The following SNED1 variants were observed in gnomAD, a reference collection of about 807,000 sequenced individuals.
The protein encoded by SNED1 is sushi, nidogen and EGF-like domain-containing protein 1.
SNED1 carries 81 observed loss-of-function variants against 166.7 expected under a neutral mutation model. That is an observed-to-expected ratio of 0.49 (90% CI 0.41 to 0.58). The LOEUF (loss-of-function observed/expected upper bound fraction) is 0.58, where lower values mean the gene tolerates loss of function less well. SNED1 is among the 20% of genes least tolerant of loss of function. The probability of loss-of-function intolerance (pLI) is 0.00; values close to 1 mark genes in which losing one functional copy is unlikely to be tolerated. For missense variants in SNED1, 1,604 were observed against 2,000.2 expected, an observed-to-expected ratio of 0.80 and a Z score of 3.78; for synonymous variants, 762 against 822.0, an observed-to-expected ratio of 0.93 and a Z score of 1.25.
chr2:241,088,507 C>T, intron 31 of SNED1, 105 bp downstream of exon 31: 1 of 939,256 alleles, frequency 1.1e-6, no homozygotes. Flanking sequence ...TTACTCAGCA[C>T]TGCTAAAGGA....
intron 24 of SNED1, among the ~76,000 whole-genome samples, chr2:241,071,210 GGAGAA>G (rs1420565659): frequency 6.6e-6 from 1 of 152,194 alleles, no homozygotes; most frequent in East Asian, 1.9e-4. Flanking sequence ...AGGCCACTGG[GGAGAA>G]GCACTGTGTC....
At chr2:241,015,403 G>A (rs939848916) in intron 1 of SNED1, among the ~76,000 whole-genome samples, 4 of 152,048 alleles carry the variant, frequency 2.6e-5, no homozygotes, top group African/African-American at 9.7e-5. Context: ...TCATTTTCTG[G>A]TTATTGCTGG....
At chr2:241,077,411 T>C (rs1047060374) in intron 27 of SNED1, among the ~76,000 whole-genome samples, 8 of 152,100 alleles carry the variant, frequency 5.3e-5, no homozygotes, top group African/African-American at 1.9e-4. Context: ...CAAAAATCTA[T>C]ATATAAACTA....
intron 21 of SNED1, 47 bp downstream of exon 21, chr2:241,065,642 G>T: frequency 1.3e-6 from 2 of 1,554,582 alleles, no homozygotes; most frequent in South Asian, 2.3e-5. Flanking sequence ...CCTGCCCCTC[G>T]AGGGCAGCGC....
chr2:241,072,964 A>G, intron 26 of SNED1: 1 of 429,558 alleles, frequency 2.3e-6, no homozygotes, highest in Middle Eastern at 6.0e-4. Context: ...GAAGAAAGCA[A>G]CCGCATCAGC....
Position 241,091,770 on chromosome 2 carries a change from T to G in SNED1, c.*134T>G, listed in dbSNP as rs1006454747. ...GCTGGAGTCAGTCCCCTCTGTGACC[T>G]CTCTCCTCAGGCCTCTAGAGGACAG... On this transcript the variant is annotated 3_prime_UTR_variant, in exon 32 of 32. Transcript: ENST00000310397. The surrounding 1 kb of genome is among the most constrained non-coding windows in gnomAD (Gnocchi z 4.1). The G allele has an allele frequency of 6.6e-6, 1 of 152,332 alleles. No individual in the cohort carries two copies. The highest frequency in any genetic ancestry group is 1.5e-5 in the Non-Finnish European group (1 of 68,146). The allele number at this position is 152,332 out of a possible 1,614,324, so 9.4% of individuals were successfully genotyped here.
chr2:241,030,261 C>G, intron 1 of SNED1, 23 bp from the exon 2 acceptor site: 1 of 1,540,890 alleles, frequency 6.5e-7, no homozygotes, highest in Non-Finnish European at 8.8e-7. Context: ...AGTCAATCCC[C>G]GCTCTGGCTT....
Position 241,064,723 on chromosome 2 carries a change from TGTGCCC to T in SNED1, c.2600-120_2600-115del. The T allele has an allele frequency of 3.0e-6, 2 of 669,684 alleles. No homozygotes were observed. Among genetic ancestry groups the T allele is most frequent in the Admixed American group, 6.9e-5 (2 of 28,866 alleles). 41.5% of individuals were successfully genotyped at this position (669,684 alleles called of 1,614,324 possible). On this transcript the variant is annotated intron_variant, in intron 19 of 31. Coordinates refer to ENST00000310397, the MANE Select transcript of SNED1 (RefSeq NM_001080437.3). This position sits in a 1 kb window ranked among gnomAD's most constrained non-coding sequence, Gnocchi z 7.0. ...AACCGAAGGGAGGCAGTAGCTGTCC[TGTGCCC>T]CCCGCCCCTCCACACCCACGCAGGA... is the stretch of plus-strand genomic sequence containing the variant.
intron 1 of SNED1, among the ~76,000 whole-genome samples, chr2:241,008,400 C>G (rs904308792): frequency 6.6e-6 from 1 of 152,244 alleles, no homozygotes; most frequent in Non-Finnish European, 1.5e-5. Flanking sequence ...AAGCTGCCCC[C>G]ACAGGGTCCC....
At chr2:241,065,023 C>T in intron 20 of SNED1, 66 bp downstream of exon 20, 12 of 1,261,956 alleles carry the variant, frequency 9.5e-6, no homozygotes, top group Non-Finnish European at 1.3e-5. Flanking sequence ...GAGGGCCCAA[C>T]GGTCTCCAAG....
rs2061869904 is a variant in SNED1, at chr2:241,052,371, C to G, written c.1986C>G (p.Phe662Leu). 6.3e-7 allele frequency: 1 copy of G among 1,578,404 alleles called. No homozygotes were observed. ...TTCTGGCAGCCCCCTCCCCCTGCTT[C>G]CGGAGCCCGTGTGTGAATGGGGGCA... ...RHCEIAPSPC[F>L]RSPCVNGGTC... Residue 662 changes from phenylalanine to leucine, a missense_variant, in exon 15 of 32, where the codon TTC becomes TTG. By Grantham distance (22) the Phe-to-Leu change is conservative. Around this residue, in one of 2 missense-constraint regions of SNED1, gnomAD observed 1,237 missense variants for 1,620.8 expected, o/e 0.76. Transcript: ENST00000310397.
Position 241,069,975 on chromosome 2 carries a change from C to G in SNED1, c.3363C>G (p.His1121Gln). The G allele has an allele frequency of 6.2e-7, 1 of 1,613,022 alleles. No homozygotes were observed. Among genetic ancestry groups the G allele is most frequent in the Non-Finnish European group, 8.5e-7 (1 of 1,179,886 alleles). ...TAARVTATSA[H>Q]VVWDAPTPGS... Reference sequence around the variant, plus strand: ...CCCGAGTCACTGCCACCTCTGCCCACGTGGTCTGGGATGCCCCGACTCCAG... The same window carrying G: ...CCCGAGTCACTGCCACCTCTGCCCAGGTGGTCTGGGATGCCCCGACTCCAG... Residue 1121 changes from histidine (H) to glutamine (Q), a missense_variant, in exon 24 of 32, where the codon CAC (histidine) becomes CAG (glutamine). Physicochemically the swap from His to Gln is conservative, Grantham distance 24. Around this residue, in one of 2 missense-constraint regions of SNED1, gnomAD observed 1,237 missense variants for 1,620.8 expected, o/e 0.76. Coordinates refer to ENST00000310397, the MANE Select transcript of SNED1 (RefSeq NM_001080437.3). The surrounding 1 kb of genome is among the most constrained non-coding windows in gnomAD (Gnocchi z 4.9).
intron 17 of SNED1, 72 bp from the exon 18 acceptor site, chr2:241,063,515 A>C (rs1307038048): frequency 1.0e-6 from 1 of 974,108 alleles, no homozygotes; most frequent in Non-Finnish European, 1.6e-6. Flanking sequence ...CAGGAAATGC[A>C]CGGAATCCTG....
At chr2:241,025,304 C>T (rs1043139486) in intron 1 of SNED1, among the ~76,000 whole-genome samples, 1 of 152,194 alleles carries the variant, frequency 6.6e-6, no homozygotes, top group Admixed American at 6.5e-5. Flanking sequence ...CACACCCCCA[C>T]CCCAGTCCAT....
intron 4 of SNED1, among the ~76,000 whole-genome samples, chr2:241,035,371 G>A (rs2061316677): frequency 6.6e-6 from 1 of 152,180 alleles, no homozygotes; most frequent in Non-Finnish European, 1.5e-5. Flanking sequence ...CCAGGGGTGG[G>A]CACGTGGTTT....
intron 4 of SNED1, among the ~76,000 whole-genome samples, chr2:241,036,123 A>G (rs1275066999): frequency 1.1e-5 from 1 of 88,788 alleles, no homozygotes; most frequent in Non-Finnish European, 2.1e-5. Flanking sequence ...GAGGCGCGCC[A>G]CGGGGTGGGG....
chr2:241,090,512 GTAT>G, intron 31 of SNED1: 1 of 1,474,706 alleles, frequency 6.8e-7, no homozygotes, highest in Non-Finnish European at 9.0e-7. Flanking sequence ...TTATCATCAA[GTAT>G]TATGTACTCT....
rs950192960 is a variant in SNED1, at chr2:241,030,415, C to T, written c.345C>T (p.Asp115=). Residue 115 remains aspartate, a synonymous_variant, in exon 2 of 32, where the codon GAC becomes GAT. Transcript: ENST00000310397. The part of the protein sequence containing the change: ...WADVDNRRAG[D]VYYREATDPA... ...ATGTGGACAACCGGCGTGCAGGCGACGTGTACTACCGGGAGGCCACCGACC... is the reference window on the plus strand; with the variant it reads ...ATGTGGACAACCGGCGTGCAGGCGATGTGTACTACCGGGAGGCCACCGACC... 5.6e-6 allele frequency: 9 copies of T among 1,613,198 alleles called. No homozygotes were observed. The highest frequency in any genetic ancestry group is 4.5e-5 in the East Asian group (2 of 44,872).
chr2:241,079,583 T>G (rs1231868845), intron 27 of SNED1, among the ~76,000 whole-genome samples: 6 of 152,112 alleles, frequency 3.9e-5, no homozygotes, highest in Non-Finnish European at 7.4e-5. Flanking sequence ...GGACTGGAGA[T>G]CGGCGAGGCT....
Sources: allele counts gnomAD v4.1 joint callset (sites outside exome capture counted in the v4.1 genomes callset), GRCh38; gene constraint gnomAD v4.1.1; regional missense constraint gnomAD v4.1.1; non-coding constraint Gnocchi (gnomAD v3.1); transcripts MANE v1.5; gene names NCBI Gene and HGNC (gene_info 2026-07-23, HGNC 2026-07-21).